The following GPR137B variants were observed in gnomAD, a reference collection of about 807,000 sequenced individuals.
GPR137B encodes the protein G protein-coupled receptor 137B.
GPR137B carries 42 observed loss-of-function variants against 42.5 expected under a neutral mutation model. The ratio of observed to expected loss-of-function variants is 0.99; its 90% CI spans 0.77 to 1.28. GPR137B has a LOEUF of 1.28. GPR137B is among the 50% of genes most tolerant of loss of function. The pLI is 0.00. For missense variants in GPR137B, 487 were observed against 493.9 expected (o/e 0.99, Z 0.13); for synonymous variants, 218 against 209.7 (o/e 1.04, Z -0.34).
Position 236,205,251 on chromosome 1 carries a change from G to C in GPR137B, c.1091+1G>C, listed in dbSNP as rs759572276. The C allele has an allele frequency of 6.2e-7, 1 of 1,611,516 alleles. No homozygotes were observed. Among genetic ancestry groups the C allele is most frequent in the Non-Finnish European group, 8.5e-7 (1 of 1,177,992 alleles). On this transcript the variant is annotated splice_donor_variant, in intron 6 of 6. Transcript: ENST00000366592. LOFTEE classifies it high-confidence loss of function. ...TTGCCCCTCAGGGACTTCAGGGAGG[G>C]TAAGACCCTACTTCATGTTAGACAA...
intron 2 of GPR137B, among the ~76,000 whole-genome samples, chr1:236,173,005 C>G (rs1230490631): frequency 1.3e-5 from 2 of 151,148 alleles, no homozygotes; most frequent in Non-Finnish European, 3.0e-5. Context: ...TTTTCCCTTT[C>G]TTTAAGTGAA....
intron 6 of GPR137B, among the ~76,000 whole-genome samples, chr1:236,206,482 G>C (rs1197826861): frequency 1.3e-5 from 2 of 152,196 alleles, no homozygotes; most frequent in Non-Finnish European, 2.9e-5. Flanking sequence ...TCTACATGCG[G>C]ATCTGGCCCA....
chr1:236,145,055 G>A (rs1031216074), intron 1 of GPR137B, among the ~76,000 whole-genome samples: 3 of 152,222 alleles, frequency 2.0e-5, no homozygotes, highest in Admixed American at 6.5e-5. Context: ...CCAGGTCTGC[G>A]GGCACCACAG....
At chr1:236,199,787 A>G (rs1663442810) in intron 5 of GPR137B, among the ~76,000 whole-genome samples, 1 of 151,884 alleles carries the variant, frequency 6.6e-6, no homozygotes, top group African/African-American at 2.4e-5. Flanking sequence ...AATTTTGTTT[A>G]TCTTTTCAAA....
In GPR137B at chr1:236,151,417, CATT is replaced by C. The variant is rs1456897719; in HGVS notation, c.414+8382_414+8384del. On this transcript the variant is annotated intron_variant, in intron 1 of 6. Coordinates refer to ENST00000366592, the MANE Select transcript of GPR137B (RefSeq NM_003272.4). ...CCACATATGGTCTCTGTTGCATATTCATTTTTTTTTTTTTTTTTTTTTTTTGAG... is the reference window on the plus strand; with the variant it reads ...CCACATATGGTCTCTGTTGCATATTCTTTTTTTTTTTTTTTTTTTTTTGAG... Among the ~76,000 whole-genome samples the C allele has an allele frequency of 5.7e-3, 724 of 126,568 alleles. 33 individuals are homozygous for C. The highest frequency in any genetic ancestry group is 0.02 in the African/African-American group (661 of 32,946). 83.0% of individuals were successfully genotyped at this position (126,568 alleles called of 152,430 possible).
chr1:236,156,150 A>T lies in GPR137B; in HGVS notation c.415-12556A>T, dbSNP rs1662020390. Among the ~76,000 whole-genome samples, 1 of 152,194 alleles carries T rather than the reference A, an allele frequency of 6.6e-6. No homozygotes were observed. Among genetic ancestry groups the T allele is most frequent in the Non-Finnish European group, 1.5e-5 (1 of 68,024 alleles). Reference sequence around the variant, plus strand: ...GAGAAGCAATTATGGTTGGCTTCTGATCACGTGGGAAGAAGCTCACTGAAG... The same window carrying T: ...GAGAAGCAATTATGGTTGGCTTCTGTTCACGTGGGAAGAAGCTCACTGAAG... On this transcript the variant is annotated intron_variant, in intron 1 of 6. Coordinates refer to ENST00000366592, the MANE Select transcript of GPR137B (RefSeq NM_003272.4). The surrounding 1 kb of genome is among the most constrained non-coding windows in gnomAD (Gnocchi z 4.8).
rs1173726472 is a variant in GPR137B at position 236,155,979 on chromosome 1, ACGCG to A, written c.415-12719_415-12716del. ...CACAAACGCACACACATGCACACAC[ACGCG>A]CGCGCGCAAACACACATGCATACAC... On this transcript the variant is annotated intron_variant, in intron 1 of 6. Transcript: ENST00000366592. The surrounding 1 kb of genome is among the most constrained non-coding windows in gnomAD (Gnocchi z 4.6). Among the ~76,000 whole-genome samples the A allele has an allele frequency of 1.3e-5, 2 of 152,146 alleles. No homozygotes were observed. The highest frequency in any genetic ancestry group is 1.9e-4 in the East Asian group (1 of 5,188).
chr1:236,182,390 A>G (rs901095447), intron 4 of GPR137B, among the ~76,000 whole-genome samples: 1 of 152,138 alleles, frequency 6.6e-6, no homozygotes, highest in Admixed American at 6.6e-5. Flanking sequence ...CTCTGCCTAT[A>G]AACTCTATAT....
intron 1 of GPR137B, among the ~76,000 whole-genome samples, chr1:236,153,161 T>C (rs1050865873): frequency 3.3e-5 from 5 of 152,162 alleles, no homozygotes; most frequent in East Asian, 1.9e-4. Flanking sequence ...ATTGAATGCA[T>C]GCAGCTGAGT....
intron 5 of GPR137B, among the ~76,000 whole-genome samples, chr1:236,193,625 T>G (rs1663258020): frequency 6.6e-6 from 1 of 152,222 alleles, no homozygotes; most frequent in South Asian, 2.1e-4. Context: ...TGACTAAGTT[T>G]GTCGAGGATC....
At chr1:236,182,751 AATATAT>A (rs1485893029) in intron 4 of GPR137B, among the ~76,000 whole-genome samples, 1 of 151,974 alleles carries the variant, frequency 6.6e-6, no homozygotes, top group South Asian at 2.1e-4. Context: ...ACAAACAAAA[AATATAT>A]ATATAAAATT....
At chr1:236,207,395 C>T (rs1248061794) in intron 6 of GPR137B, 1 of 380,078 alleles carries the variant, frequency 2.6e-6, no homozygotes, top group African/African-American at 2.2e-5. Context: ...TTTCCAGTTA[C>T]CCCACTGCAT....
chr1:236,186,235 A>AT (rs1558491332), intron 5 of GPR137B, among the ~76,000 whole-genome samples: 1 of 25,842 alleles, frequency 3.9e-5, no homozygotes, highest in East Asian at 1.1e-3. Context: ...TATAATATAT[A>AT]ATAATATAAA....
chr1:236,192,118 C>T (rs574419785), intron 5 of GPR137B, among the ~76,000 whole-genome samples: 20 of 152,328 alleles, frequency 1.3e-4, no homozygotes, highest in South Asian at 6.2e-4. Context: ...TTTGTTTACA[C>T]TGTGAGGGTA....
At chr1:236,169,368 C>A (rs746692768) in intron 2 of GPR137B, among the ~76,000 whole-genome samples, 27 of 152,348 alleles carry the variant, frequency 1.8e-4, no homozygotes, top group Non-Finnish European at 3.8e-4. Flanking sequence ...CCCATTGAAC[C>A]CTAAGTTGCT....
In GPR137B at chr1:236,208,406, TA is replaced by T. The variant is rs1215565652; in HGVS notation, c.*251del. ...TTTTTAAAGAAAATCTGTACTTTTA[TA>T]AAGATGTATTTTGTATAACTTAAAT... On this transcript the variant is annotated 3_prime_UTR_variant, in exon 7 of 7. Coordinates refer to ENST00000366592, the MANE Select transcript of GPR137B (RefSeq NM_003272.4). 8.3e-6 allele frequency: 9 copies of T among 1,079,860 alleles called. No individual in the cohort carries two copies. Among genetic ancestry groups the T allele is most frequent in the Non-Finnish European group, 9.5e-6 (8 of 843,194 alleles). 66.9% of individuals were successfully genotyped at this position (1,079,860 alleles called of 1,614,324 possible).
At chr1:236,195,644 T>C (rs1301950170) in intron 5 of GPR137B, among the ~76,000 whole-genome samples, 2 of 152,228 alleles carry the variant, frequency 1.3e-5, no homozygotes, top group African/African-American at 4.8e-5. Context: ...TGCTGGATCA[T>C]GTGGTAGCTC....
At chr1:236,167,040 C>G (rs190103747) in intron 1 of GPR137B, among the ~76,000 whole-genome samples, 2 of 152,008 alleles carry the variant, frequency 1.3e-5, no homozygotes, top group Non-Finnish European at 2.9e-5. Context: ...GCCCCGAGGC[C>G]GAGGGTAGGT....
intron 5 of GPR137B, among the ~76,000 whole-genome samples, chr1:236,188,920 G>A (rs976890779): frequency 6.6e-6 from 1 of 152,128 alleles, no homozygotes; most frequent in African/African-American, 2.4e-5. Flanking sequence ...TGTACCTCTG[G>A]TAGAATTCGG....
Sources: allele counts gnomAD v4.1 joint callset (sites outside exome capture counted in the v4.1 genomes callset), GRCh38; gene constraint gnomAD v4.1.1; non-coding constraint Gnocchi (gnomAD v3.1); transcripts MANE v1.5; gene names NCBI Gene and HGNC (gene_info 2026-07-23, HGNC 2026-07-21).